Variants in ADGRG7 observed in about 807,000 individuals in gnomAD.
ADGRG7 encodes the protein G-protein coupled receptor 128.
In ADGRG7, 82 loss-of-function variants were observed where a neutral mutation model predicts 88.6. That is an observed-to-expected ratio of 0.93 (90% confidence interval 0.77 to 1.11). The LOEUF (loss-of-function observed/expected upper bound fraction) is 1.11. Among genes scored for constraint, ADGRG7 ranks in the 50% most tolerant of loss-of-function variants. The pLI, the probability that ADGRG7 is intolerant of heterozygous loss-of-function variation, is 0.00. For synonymous variants in ADGRG7, 381 were observed against 345.2 expected (o/e 1.10, Z -1.15); for missense variants, 945 against 953.4 (o/e 0.99, Z 0.12).
At chr3:100,670,301 G>T (rs573885181) in intron 15 of ADGRG7, among the ~76,000 whole-genome samples, 1 of 152,232 alleles carries the variant, frequency 6.6e-6, no homozygotes, top group East Asian at 1.9e-4. Context: ...TTAACATAAT[G>T]ACCTCCAGTT....
intron 11 of ADGRG7, among the ~76,000 whole-genome samples, chr3:100,650,980 G>A (rs929338880): frequency 6.6e-6 from 1 of 152,154 alleles, no homozygotes; most frequent in East Asian, 1.9e-4. Context: ...TCAGTCTTTA[G>A]TCACTTCCTT....
chr3:100,667,035 C>T lies in ADGRG7; in HGVS notation c.1980-1914C>T, dbSNP rs13434032. Among the ~76,000 whole-genome samples the T allele has an allele frequency of 6.7e-3, 1,016 of 152,176 alleles. 11 individuals are homozygous for T. Among genetic ancestry groups the T allele is most frequent in the African/African-American group, 0.022 (921 of 41,500 alleles). On this transcript the variant is annotated intron_variant, in intron 14 of 15. Transcript: ENST00000273352. Reference sequence around the variant, plus strand: ...CTTAGTACAGAGCAAAATGGAGTCTCCTATGTCTACTTCTTTCTATACAGA... The same window carrying T: ...CTTAGTACAGAGCAAAATGGAGTCTTCTATGTCTACTTCTTTCTATACAGA...
At chr3:100,636,491 A>G (rs540672403) in intron 5 of ADGRG7, among the ~76,000 whole-genome samples, 1 of 152,334 alleles carries the variant, frequency 6.6e-6, no homozygotes, top group Non-Finnish European at 1.5e-5. Context: ...CTTGAAAACA[A>G]GTATATTCAA....
intron 14 of ADGRG7, among the ~76,000 whole-genome samples, chr3:100,665,814 TA>T (rs1172871796): frequency 3.3e-5 from 5 of 152,312 alleles, no homozygotes; most frequent in African/African-American, 4.8e-5. Context: ...ATCAAATTTG[TA>T]TTGCTAAATG....
chr3:100,678,579 T>C (rs2094968714), intron 15 of ADGRG7, among the ~76,000 whole-genome samples: 1 of 152,204 alleles, frequency 6.6e-6, no homozygotes, highest in Non-Finnish European at 1.5e-5. Context: ...TACCTGTTCT[T>C]CAGAAGGCTT....
At chr3:100,671,872 G>A (rs1472343974) in intron 15 of ADGRG7, among the ~76,000 whole-genome samples, 1 of 152,162 alleles carries the variant, frequency 6.6e-6, no homozygotes, top group Non-Finnish European at 1.5e-5. Flanking sequence ...TTGTAGATGT[G>A]TGGTGTTATT....
intron 13 of ADGRG7, 138 bp downstream of exon 13, chr3:100,656,133 A>C: frequency 2.0e-6 from 1 of 510,796 alleles, no homozygotes; most frequent in Non-Finnish European, 3.6e-6. Context: ...TGAAATTCTC[A>C]AAGAACACGT....
chr3:100,643,709 G>A, intron 8 of ADGRG7, 76 bp downstream of exon 8: 1 of 925,772 alleles, frequency 1.1e-6, no homozygotes, highest in South Asian at 1.5e-5. Context: ...TTTACTCTAG[G>A]AGAAATAATG....
At chr3:100,644,671 G>A (rs1350860965) in intron 8 of ADGRG7, among the ~76,000 whole-genome samples, 4 of 151,168 alleles carry the variant, frequency 2.6e-5, no homozygotes, top group East Asian at 1.9e-4. Context: ...GGGACTATAG[G>A]AGCCCTGCTA....
chr3:100,644,517 A>G (rs1707707300), intron 8 of ADGRG7, among the ~76,000 whole-genome samples: 1 of 152,180 alleles, frequency 6.6e-6, no homozygotes, highest in East Asian at 1.9e-4. Flanking sequence ...ACAAATATCA[A>G]TTTTTCCTAT....
chr3:100,687,806 G>A (rs1423140105), intron 15 of ADGRG7, among the ~76,000 whole-genome samples: 3 of 152,066 alleles, frequency 2.0e-5, no homozygotes, highest in African/African-American at 7.2e-5. Flanking sequence ...TTTTTGCATC[G>A]ATGTTCATCA....
At chr3:100,630,837 A>G (rs1478416054) in intron 3 of ADGRG7, 28 bp downstream of exon 3, 1 of 1,210,470 alleles carries the variant, frequency 8.3e-7, no homozygotes, top group Non-Finnish European at 1.1e-6. Flanking sequence ...CATTTACTCT[A>G]TGCATAAGAA....
At chr3:100,650,464 T>G (rs896598700) in intron 11 of ADGRG7, among the ~76,000 whole-genome samples, 2 of 152,176 alleles carry the variant, frequency 1.3e-5, no homozygotes, top group Non-Finnish European at 2.9e-5. Flanking sequence ...ACATTTCATG[T>G]TTGTTTGGTC....
intron 15 of ADGRG7, among the ~76,000 whole-genome samples, chr3:100,693,082 A>T (rs1463759763): frequency 6.6e-6 from 1 of 152,216 alleles, no homozygotes; most frequent in African/African-American, 2.4e-5. Flanking sequence ...TTCTTTTCAA[A>T]TAACATTTTT....
intron 14 of ADGRG7, among the ~76,000 whole-genome samples, chr3:100,666,227 A>C (rs2094951565): frequency 6.6e-6 from 1 of 152,072 alleles, no homozygotes; most frequent in South Asian, 2.1e-4. Flanking sequence ...CACAGAGACA[A>C]AGTATAGAGA....
intron 14 of ADGRG7, 72 bp downstream of exon 14, chr3:100,659,915 CCA>C: frequency 7.1e-7 from 1 of 1,415,656 alleles, no homozygotes; most frequent in Non-Finnish European, 9.7e-7. Flanking sequence ...CATAACACAT[CCA>C]CAGTTTCAGA....
intron 15 of ADGRG7, among the ~76,000 whole-genome samples, chr3:100,671,822 C>A (rs946580801): frequency 6.6e-6 from 1 of 152,164 alleles, no homozygotes; most frequent in Admixed American, 6.6e-5. Context: ...AATCCTTTCT[C>A]CATTGCTTGT....
chr3:100,618,026 G>A (rs1707250541), intron 1 of ADGRG7, among the ~76,000 whole-genome samples: 1 of 152,198 alleles, frequency 6.6e-6, no homozygotes. Flanking sequence ...GTCGAGAAGT[G>A]TCTGTTCATA....
At chr3:100,654,181 G>A (rs1439920472) in intron 11 of ADGRG7, 1 of 152,134 alleles carries the variant, frequency 6.6e-6, no homozygotes, top group Non-Finnish European at 1.5e-5. Flanking sequence ...AGGTTCTCCC[G>A]GTACACCTTT....
Sources: gnomAD v4.1 joint callset for allele counts (sites outside exome capture counted in the v4.1 genomes callset) on GRCh38, gnomAD v4.1.1 for gene constraint, MANE v1.5 for transcripts, NCBI Gene and HGNC (gene_info 2026-07-23, HGNC 2026-07-21) for gene names.